YEATS2: variants seen among roughly 807,000 people sequenced by gnomAD.
YEATS2 encodes YEATS domain-containing protein 2.
A neutral mutation model predicts 163.2 loss-of-function variants in YEATS2; 77 were observed. The observed-to-expected ratio is 0.47, with a 90% CI of 0.39 to 0.57. YEATS2 has a LOEUF of 0.57. YEATS2 is among the 20% of genes least tolerant of loss of function. The pLI is 0.00. For missense variants in YEATS2, 1,549 were observed against 1,729.8 expected (o/e 0.90, Z 1.85); for synonymous variants, 631 against 645.1 (o/e 0.98, Z 0.33).
In YEATS2 at chr3:183,807,107, G is replaced by A. The variant is rs1445242517; in HGVS notation, c.4011+15G>A. ...TCACACAGAAGGTAGGGGTTGTGGT[G>A]TTAATAGTTCATGCAGCAGACCAGC... On this transcript the variant is annotated intron_variant, in intron 28 of 30. Transcript: ENST00000305135. 2 of 1,605,904 alleles carry A rather than the reference G, an allele frequency of 1.2e-6. No individual in the cohort carries two copies. Among genetic ancestry groups the A allele is most frequent in the Non-Finnish European group, 1.7e-6 (2 of 1,175,750 alleles).
intron 19 of YEATS2, 55 bp from the exon 20 acceptor site, chr3:183,786,070 G>T: frequency 6.4e-7 from 1 of 1,570,226 alleles, no homozygotes. Flanking sequence ...TAAGGAATGA[G>T]TTATGTCTAT....
rs374314151 is a variant in YEATS2 at position 183,777,652 on chromosome 3, A to G, written c.2688A>G (p.Gln896=). ...TCAGCACATCTTCTGCACAAGGACA[A>G]CAAACGCTAAAAGTCATCTCTGGAC... is the stretch of plus-strand genomic sequence containing the variant. ...LGVSTSSAQG[Q]QTLKVISGQK... Residue 896 remains glutamine (Q), a synonymous_variant, in exon 19 of 31, where the codon CAA becomes CAG. Coordinates refer to ENST00000305135, the MANE Select transcript of YEATS2 (RefSeq NM_018023.5). The G allele has an allele frequency of 1.6e-5, 26 of 1,614,206 alleles. No homozygotes were observed. The highest frequency in any genetic ancestry group is 2.1e-5 in the Non-Finnish European group (25 of 1,180,044).
At chr3:183,775,337 C>G (rs1224138586) in intron 17 of YEATS2, among the ~76,000 whole-genome samples, 3 of 152,202 alleles carry the variant, frequency 2.0e-5, no homozygotes, top group Non-Finnish European at 4.4e-5. Context: ...GTGGCTCACA[C>G]CTGCAATCCC....
chr3:183,736,465 A>T (rs987596045), intron 7 of YEATS2, among the ~76,000 whole-genome samples: 8 of 152,176 alleles, frequency 5.3e-5, no homozygotes, highest in African/African-American at 1.9e-4. Context: ...ATGACATTGG[A>T]TTATATGGTC....
At chr3:183,760,806 A>G (rs1168750464) in intron 13 of YEATS2, among the ~76,000 whole-genome samples, 13 of 152,202 alleles carry the variant, frequency 8.5e-5, no homozygotes, top group Admixed American at 8.5e-4. Context: ...ATATACTGAA[A>G]CATTGCAGCT....
chr3:183,790,915 CCGT>C lies in YEATS2; in HGVS notation c.3037_3039del (p.Val1013del). ...GGAACCTGCAAGGCTGCCACCCCCA[CCGT>C]CGTCAGCGCCACGTCCCTCGTGCCT... On this transcript the variant is annotated inframe_deletion, in exon 21 of 31. Coordinates refer to ENST00000305135, the MANE Select transcript of YEATS2 (RefSeq NM_018023.5). 1 of 1,614,178 alleles carries C rather than the reference CCGT, an allele frequency of 6.2e-7. No homozygotes were observed. Among genetic ancestry groups the C allele is most frequent in the Non-Finnish European group, 8.5e-7 (1 of 1,180,032 alleles).
At chr3:183,764,788 C>G (rs1721736267) in intron 15 of YEATS2, among the ~76,000 whole-genome samples, 1 of 152,090 alleles carries the variant, frequency 6.6e-6, no homozygotes. Flanking sequence ...GCCTGGGCAA[C>G]AAGAGCAAAA....
chr3:183,728,981 T>G, intron 7 of YEATS2, 130 bp downstream of exon 7: 1 of 1,105,736 alleles, frequency 9.0e-7, no homozygotes, highest in South Asian at 1.6e-5. Flanking sequence ...TTAGTCAAAA[T>G]GTAGTTGGAG....
intron 30 of YEATS2, among the ~76,000 whole-genome samples, chr3:183,809,842 G>C (rs1726617233): frequency 6.6e-6 from 1 of 152,222 alleles, no homozygotes; most frequent in African/African-American, 2.4e-5. Flanking sequence ...GTAGCAAAGT[G>C]CCTGAGGACA....
chr3:183,810,762 C>T lies in YEATS2; in HGVS notation c.*179C>T, dbSNP rs532108603. 364 of 587,672 alleles carry T rather than the reference C, an allele frequency of 6.2e-4. 5 individuals are homozygous for T. Among genetic ancestry groups the T allele is most frequent in the Non-Finnish European group, 9.1e-5 (30 of 329,242 alleles). 36.4% of individuals were successfully genotyped at this position (587,672 alleles called of 1,614,324 possible). ...ACGCTGCACTCCAGATGAAATCCTC[C>T]TAGGACAGGAGTTTGTTTCCTGAGT... On this transcript the variant is annotated 3_prime_UTR_variant, in exon 31 of 31. Coordinates refer to ENST00000305135, the MANE Select transcript of YEATS2 (RefSeq NM_018023.5).
At position 183,808,524 on chromosome 3, in the gene YEATS2, A is replaced by T. The variant is rs893753467; in HGVS notation, c.4086+420A>T. On this transcript the variant is annotated intron_variant, in intron 29 of 30. Transcript: ENST00000305135. ...TTCCTTTCCTCGTGGATCCTCTCCA[A>T]GAATAGGGATACCTCCGTAACAACT... Among the ~76,000 whole-genome samples the T allele has an allele frequency of 7.8e-4, 119 of 152,194 alleles. 3 individuals are homozygous for T. Among genetic ancestry groups the T allele is most frequent in the Non-Finnish European group, 1.9e-4 (13 of 68,034 alleles).
chr3:183,724,758 T>C (rs1211063696), intron 6 of YEATS2, among the ~76,000 whole-genome samples: 1 of 152,206 alleles, frequency 6.6e-6, no homozygotes, highest in African/African-American at 2.4e-5. Flanking sequence ...TTTCCTTTTT[T>C]TGAGACAGAG....
At chr3:183,706,036 C>CAA (rs397876299) in intron 1 of YEATS2, among the ~76,000 whole-genome samples, 1 of 112,518 alleles carries the variant, frequency 8.9e-6, no homozygotes, top group Non-Finnish European at 1.9e-5. Flanking sequence ...AAGACTGTTT[C>CAA]AAAAAAAAAA....
intron 4 of YEATS2, among the ~76,000 whole-genome samples, chr3:183,721,432 T>C (rs1716479069): frequency 6.6e-6 from 1 of 152,214 alleles, no homozygotes; most frequent in Admixed American, 6.5e-5. Flanking sequence ...GAAGGCAAAC[T>C]TAATACAATC....
At chr3:183,808,978 CT>C (rs1726513639) in intron 29 of YEATS2, 118 bp from the exon 30 acceptor site, 2 of 951,006 alleles carry the variant, frequency 2.1e-6, no homozygotes, top group African/African-American at 1.6e-5. Context: ...TTCTTAAGGA[CT>C]TTTTAATCCC....
intron 1 of YEATS2, among the ~76,000 whole-genome samples, chr3:183,712,599 CAGAG>C (rs1224023550): frequency 1.3e-5 from 2 of 152,058 alleles, no homozygotes; most frequent in African/African-American, 2.4e-5. Flanking sequence ...ATTTGGAAAT[CAGAG>C]AGCTATTCTG....
In YEATS2 at chr3:183,794,770, G is replaced by A. The variant is rs546089710; in HGVS notation, c.3098-3153G>A. Reference sequence around the variant, plus strand: ...AGGGAACATCTGTATAGGGAAGAAAGGGTATATAAGTGCCGTAAAGGGGGC... The same window carrying A: ...AGGGAACATCTGTATAGGGAAGAAAAGGTATATAAGTGCCGTAAAGGGGGC... On this transcript the variant is annotated intron_variant, in intron 21 of 30. Coordinates refer to ENST00000305135, the MANE Select transcript of YEATS2 (RefSeq NM_018023.5). Among the ~76,000 whole-genome samples, 6 of 152,234 alleles carry A rather than the reference G, an allele frequency of 3.9e-5. No individual in the cohort carries two copies. In the East Asian group the frequency reaches 5.8e-4, roughly 15 times the overall value.
chr3:183,777,610 C>T lies in YEATS2; in HGVS notation c.2646C>T (p.Val882=), dbSNP rs1723122620. 1 of 1,614,124 alleles carries T rather than the reference C, an allele frequency of 6.2e-7. No individual in the cohort carries two copies. The highest frequency in any genetic ancestry group is 1.3e-5 in the African/African-American group (1 of 75,018). Residue 882 remains valine (V), a synonymous_variant, in exon 19 of 31, where the codon GTC becomes GTT. Coordinates refer to ENST00000305135, the MANE Select transcript of YEATS2 (RefSeq NM_018023.5). Reference sequence around the variant, plus strand: ...AACAACTCACCACTGGGTCAGTGGTCCAAGGAACACTGGGAGTCAGCACAT... The same window carrying T: ...AACAACTCACCACTGGGTCAGTGGTTCAAGGAACACTGGGAGTCAGCACAT... The part of the protein sequence containing the change: ...SGKQLTTGSV[V]QGTLGVSTSS...
intron 27 of YEATS2, among the ~76,000 whole-genome samples, chr3:183,805,779 A>T (rs1395152808): frequency 6.6e-6 from 1 of 151,018 alleles, no homozygotes; most frequent in Non-Finnish European, 1.5e-5. Flanking sequence ...ACAGCGCAAA[A>T]CCCTGTCCAA....
Sources: allele counts gnomAD v4.1 joint callset (sites outside exome capture counted in the v4.1 genomes callset), GRCh38; gene constraint gnomAD v4.1.1; transcripts MANE v1.5; gene names NCBI Gene and HGNC (gene_info 2026-07-23, HGNC 2026-07-21).